SEMA3A: variants seen among roughly 807,000 people sequenced by gnomAD.
SEMA3A encodes semaphorin 3A.
SEMA3A carries 29 observed loss-of-function variants against 97.9 expected under a neutral mutation model. That is an observed-to-expected ratio of 0.30 (90% CI 0.22 to 0.40). The LOEUF (loss-of-function observed/expected upper bound fraction) is 0.40, where lower values mean the gene tolerates loss of function less well. Among genes scored for constraint, SEMA3A ranks in the 10% least tolerant of loss-of-function variants. The pLI, the probability that SEMA3A is intolerant of heterozygous loss-of-function variation, is 1.00. For synonymous variants in SEMA3A, 321 were observed against 323.7 expected, an observed-to-expected ratio of 0.99 and a Z score of 0.09; for missense variants, 763 against 951.3, an observed-to-expected ratio of 0.80 and a Z score of 2.60.
chr7:84,318,409 G>A (rs1396351335), intron 2 of SEMA3A, among the ~76,000 whole-genome samples: 1 of 131,758 alleles, frequency 7.6e-6, no homozygotes, highest in Admixed American at 8.7e-5. Flanking sequence ...TGCAAGCTCC[G>A]CCTCCCGGGT....
intron 6 of SEMA3A, among the ~76,000 whole-genome samples, chr7:84,034,109 A>T (rs1584573797): frequency 2.6e-5 from 4 of 151,742 alleles, no homozygotes; most frequent in Admixed American, 2.6e-4. Context: ...TCAGCCTCCC[A>T]AGTAGCTGGG....
intron 1 of SEMA3A, among the ~76,000 whole-genome samples, chr7:84,137,400 CAAA>C (rs59886680): frequency 9.9e-6 from 1 of 100,616 alleles, no homozygotes; most frequent in Non-Finnish European, 1.9e-5. Flanking sequence ...CATTCAGTCT[CAAA>C]AAAAAAAAAA....
At chr7:84,086,278 AAC>A (rs965305491) in intron 4 of SEMA3A, among the ~76,000 whole-genome samples, 31 of 151,664 alleles carry the variant, frequency 2.0e-4, no homozygotes, top group African/African-American at 6.3e-4. Context: ...TCGTTCCTAC[AAC>A]AGTCTCTAGA....
chr7:84,364,245 A>C (rs1171056778), intron 2 of SEMA3A, among the ~76,000 whole-genome samples: 1 of 151,786 alleles, frequency 6.6e-6, no homozygotes, highest in Non-Finnish European at 1.5e-5. Flanking sequence ...TTCTGAAATC[A>C]ATAAGTTTCA....
chr7:84,361,291 C>T (rs191191739), intron 2 of SEMA3A, among the ~76,000 whole-genome samples: 12 of 151,580 alleles, frequency 7.9e-5, no homozygotes, highest in African/African-American at 2.9e-4. Context: ...TAATAAACTT[C>T]AATAAATTTT....
chr7:84,425,140 T>C (rs796644822), intron 1 of SEMA3A, among the ~76,000 whole-genome samples: 1 of 110,236 alleles, frequency 9.1e-6, no homozygotes, highest in Non-Finnish European at 1.6e-5. Flanking sequence ...TATATAAATA[T>C]TATATATATT....
chr7:84,222,055 T>C (rs1798895575), intron 3 of SEMA3A, among the ~76,000 whole-genome samples: 1 of 152,000 alleles, frequency 6.6e-6, no homozygotes, highest in African/African-American at 2.4e-5. Flanking sequence ...ATTACGAATA[T>C]AATCTAGTCA....
intron 4 of SEMA3A, among the ~76,000 whole-genome samples, chr7:84,079,992 G>T (rs1200882961): frequency 2.1e-5 from 3 of 145,036 alleles, no homozygotes; most frequent in African/African-American, 8.0e-5. Context: ...AGAAAATGTG[G>T]CACATATACA....
chr7:84,055,614 T>C (rs996270707), intron 5 of SEMA3A, among the ~76,000 whole-genome samples: 4 of 152,154 alleles, frequency 2.6e-5, no homozygotes, highest in African/African-American at 4.8e-5. Context: ...TGGCACTCCC[T>C]AGTGAGATGA....
At chr7:84,292,623 A>T (rs1800777684) in intron 3 of SEMA3A, among the ~76,000 whole-genome samples, 1 of 152,010 alleles carries the variant, frequency 6.6e-6, no homozygotes, top group South Asian at 2.1e-4. Context: ...GAGGTAGAAA[A>T]TGCACAAATT....
intron 4 of SEMA3A, among the ~76,000 whole-genome samples, chr7:84,075,913 T>C (rs1193877919): frequency 2.0e-5 from 3 of 152,198 alleles, no homozygotes; most frequent in Admixed American, 6.5e-5. Flanking sequence ...AATATTATGG[T>C]TTATCAATTA....
At chr7:83,971,449 TAACA>T (rs1788909936) in intron 15 of SEMA3A, among the ~76,000 whole-genome samples, 1 of 149,564 alleles carries the variant, frequency 6.7e-6, no homozygotes, top group East Asian at 2.0e-4. Flanking sequence ...AAAAAAAACC[TAACA>T]AACTATTTAA....
At chr7:84,072,822 C>T (rs545354366) in intron 4 of SEMA3A, among the ~76,000 whole-genome samples, 1 of 151,998 alleles carries the variant, frequency 6.6e-6, no homozygotes, top group Admixed American at 6.6e-5. Context: ...GTTAACATTG[C>T]CTTAAAACTT....
At chr7:84,219,248 A>AT (rs1562858158) in intron 3 of SEMA3A, among the ~76,000 whole-genome samples, 1 of 152,204 alleles carries the variant, frequency 6.6e-6, no homozygotes, top group Non-Finnish European at 1.5e-5. Context: ...AATAAAATGA[A>AT]TATGTGCAGC....
At chr7:84,113,322 C>T (rs867991884) in intron 3 of SEMA3A, among the ~76,000 whole-genome samples, 1 of 152,128 alleles carries the variant, frequency 6.6e-6, no homozygotes, top group African/African-American at 2.4e-5. Flanking sequence ...AGTATCAATC[C>T]TGTCATTCAT....
Position 84,286,737 on chromosome 7 carries a change from C to G in SEMA3A, c.-83+20470G>C, listed in dbSNP as rs111447897. On this transcript the variant is annotated intron_variant, in intron 3 of 3. Coordinates refer to the SEMA3A transcript ENST00000424555. Reference sequence around the variant, plus strand: ...AAAAAAACCCCTTTCCATCCACACCCTAACTCAGAGCAGCTCTTATTCTTC... The same window carrying G: ...AAAAAAACCCCTTTCCATCCACACCGTAACTCAGAGCAGCTCTTATTCTTC... Among the ~76,000 whole-genome samples, 437 of 152,230 alleles carry G rather than the reference C, an allele frequency of 2.9e-3. 5 individuals carry two copies. Among genetic ancestry groups the G allele is most frequent in the African/African-American group, 0.01 (424 of 41,554 alleles).
intron 2 of SEMA3A, among the ~76,000 whole-genome samples, chr7:84,359,437 A>G (rs1269378789): frequency 2.0e-5 from 3 of 152,102 alleles, no homozygotes; most frequent in African/African-American, 7.2e-5. Context: ...ATGCTGGATT[A>G]TGTTTATTGA....
At chr7:83,986,743 G>A (rs797818) in intron 12 of SEMA3A, among the ~76,000 whole-genome samples, 120,596 of 152,048 alleles carry the variant, frequency 0.79, 48,568 homozygotes, top group African/African-American at 0.93. Flanking sequence ...CTGGAGCCCA[G>A]GTGCCTGGAT....
At chr7:84,286,990 A>G (rs556122698) in intron 3 of SEMA3A, among the ~76,000 whole-genome samples, 13 of 152,262 alleles carry the variant, frequency 8.5e-5, no homozygotes, top group African/African-American at 2.9e-4. Flanking sequence ...TTTATTTTTT[A>G]TAACATGCAC....
Sources: gnomAD v4.1 joint callset for allele counts (sites outside exome capture counted in the v4.1 genomes callset) on GRCh38, gnomAD v4.1.1 for gene constraint, MANE v1.5 for transcripts, NCBI Gene and HGNC (gene_info 2026-07-23, HGNC 2026-07-21) for gene names.